SYTL3: variants seen among roughly 807,000 people sequenced by gnomAD.
SYTL3 encodes synaptotagmin like 3, also known as synaptotagmin-like protein 3.
A neutral mutation model predicts 82.1 loss-of-function variants in SYTL3; 88 were observed. The ratio of observed to expected loss-of-function variants is 1.07; its 90% CI spans 0.90 to 1.28. SYTL3 has a LOEUF of 1.28. Ranked by LOEUF, SYTL3 falls within the 50% of genes most tolerant of loss-of-function variation. The pLI, the probability that SYTL3 is intolerant of heterozygous loss-of-function variation, is 0.00. For synonymous variants in SYTL3, 311 were observed against 289.4 expected (o/e 1.07, Z -0.76); for missense variants, 831 against 757.6 (o/e 1.10, Z -1.14).
intron 2 of SYTL3, among the ~76,000 whole-genome samples, chr6:158,659,137 C>T (rs1232162759): frequency 6.6e-6 from 1 of 152,226 alleles, no homozygotes; most frequent in Admixed American, 6.5e-5. Context: ...GCGGAATACA[C>T]ATACCTCGAG....
chr6:158,658,507 GA>G (rs1788972834), intron 2 of SYTL3, among the ~76,000 whole-genome samples: 1 of 152,206 alleles, frequency 6.6e-6, no homozygotes, highest in Non-Finnish European at 1.5e-5. Context: ...AAACCAAAGA[GA>G]AATGACCTTC....
At chr6:158,696,605 T>G (rs1448941520) in intron 6 of SYTL3, among the ~76,000 whole-genome samples, 1 of 152,120 alleles carries the variant, frequency 6.6e-6, no homozygotes, top group Non-Finnish European at 1.5e-5. Flanking sequence ...ATTTCCCTAA[T>G]AATTAGTGAT....
chr6:158,742,606 C>T (rs142528738), intron 11 of SYTL3, among the ~76,000 whole-genome samples: 4,046 of 149,750 alleles, frequency 0.027, 183 homozygotes, highest in African/African-American at 0.094. Context: ...GATGGAGTCT[C>T]GCTCTGTCAC....
At chr6:158,699,218 A>C (rs1243885925) in intron 6 of SYTL3, among the ~76,000 whole-genome samples, 2 of 152,200 alleles carry the variant, frequency 1.3e-5, no homozygotes, top group East Asian at 3.8e-4. Context: ...ACTGTGGGAC[A>C]TTCCAGGGAG....
intron 13 of SYTL3, among the ~76,000 whole-genome samples, chr6:158,753,073 TTTTC>T (rs1477178870): frequency 7.5e-6 from 1 of 133,220 alleles, no homozygotes; most frequent in Non-Finnish European, 1.5e-5. Flanking sequence ...ACATTTCTTC[TTTTC>T]TTTTTTTTTT....
At chr6:158,740,265 G>A (rs1786766025) in intron 11 of SYTL3, among the ~76,000 whole-genome samples, 1 of 151,774 alleles carries the variant, frequency 6.6e-6, no homozygotes, top group African/African-American at 2.4e-5. Flanking sequence ...CAAAGTGTTG[G>A]GATTGCAGGT....
intron 11 of SYTL3, among the ~76,000 whole-genome samples, chr6:158,742,224 A>T (rs1787017810): frequency 6.6e-6 from 1 of 152,278 alleles, no homozygotes; most frequent in Non-Finnish European, 1.5e-5. Flanking sequence ...GATGTATAAC[A>T]TAACCACATT....
upstream of SYTL3, among the ~76,000 whole-genome samples, chr6:158,648,044 A>G (rs1787597841): frequency 6.6e-6 from 1 of 152,232 alleles, no homozygotes; most frequent in African/African-American, 2.4e-5. Flanking sequence ...CTGTAATCCC[A>G]GTACTTTGGG....
intron 11 of SYTL3, among the ~76,000 whole-genome samples, chr6:158,735,871 A>G (rs1786078014): frequency 6.6e-6 from 1 of 152,184 alleles, no homozygotes; most frequent in African/African-American, 2.4e-5. Flanking sequence ...AAACTGTTAC[A>G]ACTTTTCTAG....
At chr6:158,747,965 A>C (rs1787881551) in intron 12 of SYTL3, among the ~76,000 whole-genome samples, 1 of 152,080 alleles carries the variant, frequency 6.6e-6, no homozygotes. Flanking sequence ...TAGAAAGTTT[A>C]ATATCAAATG....
chr6:158,725,320 T>TGTGTGC (rs1274920693), intron 10 of SYTL3, among the ~76,000 whole-genome samples, 183 bp from the exon 11 acceptor site: 2 of 151,722 alleles, frequency 1.3e-5, no homozygotes, highest in Non-Finnish European at 2.9e-5. Flanking sequence ...GTGTGGTGTG[T>TGTGTGC]GTGTGCGTGT....
At chr6:158,654,472 C>A (rs1206076472) in intron 2 of SYTL3, among the ~76,000 whole-genome samples, 1 of 152,170 alleles carries the variant, frequency 6.6e-6, no homozygotes, top group Non-Finnish European at 1.5e-5. Context: ...AATGGAAACA[C>A]CTAGATTGAA....
chr6:158,725,466 G>A, intron 10 of SYTL3, 37 bp from the exon 11 acceptor site: 2 of 1,607,336 alleles, frequency 1.2e-6, no homozygotes, highest in Non-Finnish European at 1.7e-6. Context: ...AACTGGGATG[G>A]AGACTATAAT....
intron 2 of SYTL3, among the ~76,000 whole-genome samples, chr6:158,652,465 G>A (rs368909818): frequency 4.0e-5 from 6 of 151,808 alleles, no homozygotes; most frequent in African/African-American, 1.5e-4. Context: ...TGGCCAGGAT[G>A]GTCTCCATCT....
At chr6:158,732,968 A>AG (rs1554261244) in intron 11 of SYTL3, among the ~76,000 whole-genome samples, 1 of 150,478 alleles carries the variant, frequency 6.6e-6, no homozygotes, top group African/African-American at 2.5e-5. Context: ...AAAAAAAAAA[A>AG]CACTGTAAAA....
chr6:158,663,794 A>G (rs1176649986), intron 4 of SYTL3, among the ~76,000 whole-genome samples: 1 of 152,134 alleles, frequency 6.6e-6, no homozygotes, highest in African/African-American at 2.4e-5. Flanking sequence ...AAGCAAAGAA[A>G]GAGGCTCACA....
chr6:158,740,037 C>T (rs1026045454), intron 11 of SYTL3, among the ~76,000 whole-genome samples: 4 of 133,860 alleles, frequency 3.0e-5, no homozygotes, highest in African/African-American at 1.1e-4. Flanking sequence ...CACTCTGTCA[C>T]CTAGGCTGGA....
intron 6 of SYTL3, among the ~76,000 whole-genome samples, chr6:158,688,870 G>GTC (rs1779564282): frequency 6.6e-6 from 1 of 152,158 alleles, no homozygotes; most frequent in Non-Finnish European, 1.5e-5. Flanking sequence ...AAAAATTATT[G>GTC]AATAGAGGCA....
intron 13 of SYTL3, among the ~76,000 whole-genome samples, chr6:158,754,698 C>G (rs933728577): frequency 1.3e-5 from 2 of 152,112 alleles, no homozygotes; most frequent in Non-Finnish European, 2.9e-5. Flanking sequence ...CCAGCCTGGG[C>G]GACAGAGCGA....
Sources: allele counts gnomAD v4.1 joint callset (sites outside exome capture counted in the v4.1 genomes callset), GRCh38; gene constraint gnomAD v4.1.1; transcripts MANE v1.5; gene names NCBI Gene and HGNC (gene_info 2026-07-23, HGNC 2026-07-21).